The following ALK variants were observed in gnomAD, a reference collection of about 807,000 sequenced individuals.
ALK encodes ALK receptor tyrosine kinase, also known as ALK tyrosine kinase receptor.
Under a neutral mutation model 163.1 loss-of-function variants are expected in ALK, and 74 were observed. The ratio of observed to expected loss-of-function variants is 0.45; its 90% CI spans 0.38 to 0.55. ALK has a LOEUF of 0.55. ALK is among the 20% of genes least tolerant of loss of function. The pLI, the probability that ALK is intolerant of heterozygous loss-of-function variation, is 0.00. For missense variants in ALK, 2,063 were observed against 2,105.3 expected, an observed-to-expected ratio of 0.98 and a Z score of 0.39; for synonymous variants, 960 against 843.2, an observed-to-expected ratio of 1.14 and a Z score of -2.40.
chr2:29,303,601 G>A (rs1353882069), intron 8 of ALK, among the ~76,000 whole-genome samples: 1 of 152,152 alleles, frequency 6.6e-6, no homozygotes. Flanking sequence ...ACCGCAGCAC[G>A]ATTCACAATA....
At chr2:29,760,892 T>C (rs912940996) in intron 1 of ALK, among the ~76,000 whole-genome samples, 1 of 152,178 alleles carries the variant, frequency 6.6e-6, no homozygotes, top group Non-Finnish European at 1.5e-5. Context: ...CTTTTGGCTG[T>C]TTGCACACCT....
intron 1 of ALK, among the ~76,000 whole-genome samples, chr2:29,877,830 G>T (rs796804934): frequency 2.0e-5 from 3 of 152,202 alleles, no homozygotes; most frequent in Non-Finnish European, 4.4e-5. Flanking sequence ...GAGAATCCAG[G>T]AGGCTGCTTT....
chr2:29,606,621 T>A (rs1675548591), intron 3 of ALK, among the ~76,000 whole-genome samples: 2 of 152,228 alleles, frequency 1.3e-5, no homozygotes, highest in South Asian at 4.1e-4. Flanking sequence ...CTACTATGGC[T>A]TTCAGGCCTA....
Position 29,532,132 on chromosome 2 carries a change from G to GA in ALK, c.953-17dup. On this transcript the variant is annotated splice_polypyrimidine_tract_variant and intron_variant, in intron 3 of 28. Transcript: ENST00000389048. ...AGAAAGGAGCCTGGAAAGAGACAGG[G>GA]AAAACGAATCTGCAGATGTGTTCAG... 1 of 1,612,932 alleles carries GA rather than the reference G, an allele frequency of 6.2e-7. No individual in the cohort carries two copies. Among genetic ancestry groups the GA allele is most frequent in the South Asian group, 1.1e-5 (1 of 90,984 alleles).
At chr2:29,758,097 G>A (rs923678132) in intron 1 of ALK, among the ~76,000 whole-genome samples, 5 of 142,402 alleles carry the variant, frequency 3.5e-5, no homozygotes, top group Non-Finnish European at 7.4e-5. Context: ...TGCAACCTCT[G>A]CCTCTTGGGC....
At position 29,532,228 on chromosome 2, in the gene ALK, A is replaced by T. The variant is rs11899073; in HGVS notation, c.953-112T>A. ...ATCAAAATCAGAGATACTGGAGGCC[A>T]TTATCTCCTTCTCTGCATGCACCCA... On this transcript the variant is annotated intron_variant, in intron 3 of 28. Coordinates refer to ENST00000389048, the MANE Select transcript of ALK (RefSeq NM_004304.5). 1.7e-3 allele frequency: 1,696 copies of T among 990,220 alleles called. 13 individuals carry two copies. The African/African-American group carries it at 0.024, about 14-fold the overall frequency. The allele number at this position is 990,220 out of a possible 1,614,324, so 61.3% of individuals were successfully genotyped here.
At chr2:29,378,918 G>C (rs1668826147) in intron 5 of ALK, among the ~76,000 whole-genome samples, 1 of 152,030 alleles carries the variant, frequency 6.6e-6, no homozygotes, top group Non-Finnish European at 1.5e-5. Flanking sequence ...TCGCGACGTT[G>C]GCCAGGCTGG....
chr2:29,506,425 G>A (rs900265833), intron 4 of ALK, among the ~76,000 whole-genome samples: 4 of 152,164 alleles, frequency 2.6e-5, no homozygotes, highest in African/African-American at 9.7e-5. Context: ...AGGGGATAAT[G>A]CTTTGCACTT....
chr2:29,247,049 C>T (rs995757099), intron 12 of ALK, among the ~76,000 whole-genome samples: 8 of 152,216 alleles, frequency 5.3e-5, no homozygotes, highest in African/African-American at 1.7e-4. Flanking sequence ...TTAGGGCCTT[C>T]GAACTTAACC....
intron 23 of ALK, among the ~76,000 whole-genome samples, chr2:29,217,339 A>G (rs1669667399): frequency 8.9e-6 from 1 of 112,228 alleles, no homozygotes; most frequent in South Asian, 3.0e-4. Context: ...TTTTGTGTGT[A>G]GCATGTGTTG....
chr2:29,360,938 A>C (rs147705038), intron 5 of ALK, among the ~76,000 whole-genome samples: 53 of 152,358 alleles, frequency 3.5e-4, no homozygotes, highest in African/African-American at 1.3e-3. Context: ...ACCCCTGGTC[A>C]TGGGCCTGAA....
At chr2:29,257,660 G>A (rs1033725092) in intron 11 of ALK, among the ~76,000 whole-genome samples, 2 of 152,150 alleles carry the variant, frequency 1.3e-5, no homozygotes, top group African/African-American at 2.4e-5. Context: ...ACGGAAGAGC[G>A]CTCAATGCTT....
At chr2:29,361,582 A>G (rs890241502) in intron 5 of ALK, among the ~76,000 whole-genome samples, 12 of 152,206 alleles carry the variant, frequency 7.9e-5, no homozygotes, top group Admixed American at 2.6e-4. Flanking sequence ...GTGACTTGCT[A>G]TGTAACCTTG....
At chr2:29,475,747 T>A (rs1671501134) in intron 4 of ALK, among the ~76,000 whole-genome samples, 1 of 152,208 alleles carries the variant, frequency 6.6e-6, no homozygotes, top group Non-Finnish European at 1.5e-5. Context: ...AGAGCACAGC[T>A]GGCTCCCACT....
At position 29,744,338 on chromosome 2, in the gene ALK, A is replaced by T. The variant is rs560398950; in HGVS notation, c.668-26641T>A. On this transcript the variant is annotated intron_variant, in intron 1 of 28. Coordinates refer to ENST00000389048, the MANE Select transcript of ALK (RefSeq NM_004304.5). ...GGCAGGGGGTGGGTTGGAGAAAGAC[A>T]AAGAAGTGTGCTATTCTAGTTATCT... Among the ~76,000 whole-genome samples the T allele has an allele frequency of 1.6e-4, 25 of 152,352 alleles. 1 individual carries two copies. In the South Asian group the frequency reaches 5.2e-3, roughly 32 times the overall value.
At chr2:29,816,003 C>A (rs886825406) in intron 1 of ALK, among the ~76,000 whole-genome samples, 2 of 152,216 alleles carry the variant, frequency 1.3e-5, no homozygotes, top group African/African-American at 4.8e-5. Flanking sequence ...ACATGGCCAA[C>A]GGCATTTGTG....
At chr2:29,769,249 G>A (rs1680949523) in intron 1 of ALK, among the ~76,000 whole-genome samples, 1 of 152,184 alleles carries the variant, frequency 6.6e-6, no homozygotes, top group Non-Finnish European at 1.5e-5. Flanking sequence ...TATATGGAAA[G>A]GGGTTGGAGT....
At chr2:29,605,909 G>C (rs1675530304) in intron 3 of ALK, among the ~76,000 whole-genome samples, 1 of 151,968 alleles carries the variant, frequency 6.6e-6, no homozygotes, top group African/African-American at 2.4e-5. Flanking sequence ...CTGCTTATCA[G>C]CTGAAATTTG....
At chr2:29,317,800 C>T (rs895661722) in intron 8 of ALK, among the ~76,000 whole-genome samples, 2 of 91,604 alleles carry the variant, frequency 2.2e-5, no homozygotes, top group Non-Finnish European at 5.1e-5. Flanking sequence ...TGCTAAGGAA[C>T]AGGGCGCCAG....
Sources: allele counts gnomAD v4.1 joint callset (sites outside exome capture counted in the v4.1 genomes callset), GRCh38; gene constraint gnomAD v4.1.1; transcripts MANE v1.5; gene names NCBI Gene and HGNC (gene_info 2026-07-23, HGNC 2026-07-21).